The following NAA25 variants were observed in gnomAD, a reference collection of about 807,000 sequenced individuals.
NAA25 encodes N-alpha-acetyltransferase 25, NatB auxiliary subunit, also known as N-terminal acetyltransferase B complex subunit NAA25.
NAA25 carries 30 observed loss-of-function variants against 132.5 expected under a neutral mutation model. The observed-to-expected ratio is 0.23, with a 90% CI of 0.17 to 0.31. The LOEUF is 0.31. NAA25 is among the 10% of genes least tolerant of loss of function. The probability of loss-of-function intolerance (pLI) is 1.00; values close to 1 mark genes in which losing one functional copy is unlikely to be tolerated. For missense variants in NAA25, 771 were observed against 1,150.4 expected (o/e 0.67, Z 4.77); for synonymous variants, 359 against 401.9 (o/e 0.89, Z 1.28).
chr12:112,075,505 A>C (rs1205664838), intron 8 of NAA25, among the ~76,000 whole-genome samples, 173 bp downstream of exon 8: 1 of 152,090 alleles, frequency 6.6e-6, no homozygotes, highest in Admixed American at 6.6e-5. Context: ...TACCATTATA[A>C]TACTCTACTG....
At chr12:112,059,647 C>A (rs574504433) in intron 13 of NAA25, among the ~76,000 whole-genome samples, 3 of 152,188 alleles carry the variant, frequency 2.0e-5, no homozygotes, top group Admixed American at 6.5e-5. Context: ...TTCCATAGGC[C>A]TGTGCATGTA....
intron 5 of NAA25, 29 bp downstream of exon 5, chr12:112,081,031 C>T: frequency 1.3e-6 from 2 of 1,568,818 alleles, no homozygotes; most frequent in South Asian, 1.1e-5. Flanking sequence ...AAAACCAAAC[C>T]TCAATCCCAT....
intron 17 of NAA25, among the ~76,000 whole-genome samples, chr12:112,047,184 T>TGTAAA (rs2078396489): frequency 2.0e-5 from 3 of 152,010 alleles, no homozygotes; most frequent in Admixed American, 2.0e-4. Flanking sequence ...TTTATATTTG[T>TGTAAA]GTAAAGTGAA....
At position 112,060,151 on chromosome 12, in the gene NAA25, G is replaced by A. The variant is rs2078605189; in HGVS notation, c.1447+119C>T. Reference sequence around the variant, plus strand: ...AAGCACCCTAGAAATATCAAGAAAAGCAGAACCTAAAAGCATAAATAAAAT... The same window carrying A: ...AAGCACCCTAGAAATATCAAGAAAAACAGAACCTAAAAGCATAAATAAAAT... On this transcript the variant is annotated intron_variant, in intron 13 of 23. Transcript: ENST00000261745. 5.6e-6 allele frequency: 4 copies of A among 714,382 alleles called. No individual in the cohort carries two copies. In the Admixed American group the frequency reaches 1.1e-4, roughly 20 times the overall value. The allele number at this position is 714,382 out of a possible 1,614,324, so 44.3% of individuals were successfully genotyped here.
chr12:112,033,518 A>G, intron 22 of NAA25, 139 bp from the exon 23 acceptor site: 1 of 624,624 alleles, frequency 1.6e-6, no homozygotes, highest in African/African-American at 1.9e-5. Flanking sequence ...GAATGGTACT[A>G]AAATAACCAG....
intron 11 of NAA25, among the ~76,000 whole-genome samples, chr12:112,062,400 CAA>C (rs750872314): frequency 3.0e-4 from 25 of 84,334 alleles, no homozygotes; most frequent in Non-Finnish European, 2.7e-4. Context: ...GACTCCATCT[CAA>C]AAAAAAAAAA....
chr12:112,096,462 A>AC (rs1345779642), intron 1 of NAA25, among the ~76,000 whole-genome samples: 1 of 152,244 alleles, frequency 6.6e-6, no homozygotes, highest in Non-Finnish European at 1.5e-5. Flanking sequence ...ACTAAAACTT[A>AC]GTCTCATGAA....
chr12:112,064,154 A>G (rs2078678512), intron 11 of NAA25: 1 of 152,224 alleles, frequency 6.6e-6, no homozygotes, highest in Admixed American at 6.5e-5. Context: ...AATTCTATTA[A>G]TTTTAATCAT....
intron 11 of NAA25, among the ~76,000 whole-genome samples, chr12:112,063,376 G>A (rs909279030): frequency 6.6e-6 from 1 of 152,204 alleles, no homozygotes; most frequent in Non-Finnish European, 1.5e-5. Context: ...ATTTCTAAGT[G>A]TGAGTAGAAC....
chr12:112,102,859 C>T (rs1211710582), intron 1 of NAA25, among the ~76,000 whole-genome samples: 1 of 151,478 alleles, frequency 6.6e-6, no homozygotes, highest in Non-Finnish European at 1.5e-5. Flanking sequence ...GCTAATTTTT[C>T]GTATATTTTT....
intron 13 of NAA25, among the ~76,000 whole-genome samples, chr12:112,055,496 A>C (rs1464427512): frequency 2.0e-5 from 3 of 152,118 alleles, no homozygotes; most frequent in Admixed American, 6.5e-5. Context: ...CAAGTTTGAG[A>C]CCAGCCTGAA....
rs571403420 is a variant in NAA25 at position 112,105,033 on chromosome 12, T to C, written c.58+3683A>G. On this transcript the variant is annotated intron_variant, in intron 1 of 23. Transcript: ENST00000261745. ...CTCCTTCTTAAAAAAATAATAATAA[T>C]AATGGGCAGGGCGCAGTGGCTCACG... 1.4e-4 allele frequency among the ~76,000 whole-genome samples: 20 copies of C among 144,318 alleles called. No individual in the cohort carries two copies. In the South Asian group the frequency reaches 4.5e-3, roughly 33 times the overall value. 94.7% of individuals were successfully genotyped at this position (144,318 alleles called of 152,430 possible).
chr12:112,091,054 G>A (rs1189739840), intron 2 of NAA25, among the ~76,000 whole-genome samples, 190 bp from the exon 3 acceptor site: 1 of 152,030 alleles, frequency 6.6e-6, no homozygotes, highest in East Asian at 1.9e-4. Flanking sequence ...CATCACTTGA[G>A]CCCAGGAGTT....
intron 11 of NAA25, among the ~76,000 whole-genome samples, chr12:112,062,017 C>T (rs904553260): frequency 3.3e-5 from 5 of 152,016 alleles, no homozygotes; most frequent in Admixed American, 2.6e-4. Flanking sequence ...AAATAAAACC[C>T]ACATACCAGT....
intron 18 of NAA25, 116 bp from the exon 19 acceptor site, chr12:112,043,327 T>A: frequency 9.3e-7 from 1 of 1,076,396 alleles, no homozygotes; most frequent in Non-Finnish European, 1.3e-6. Context: ...TAAAAGCCAC[T>A]AATCAGCAAA....
chr12:112,053,497 G>T, intron 15 of NAA25, 61 bp downstream of exon 15: 1 of 1,193,942 alleles, frequency 8.4e-7, no homozygotes, highest in Non-Finnish European at 1.2e-6. Flanking sequence ...GTGGTGACGT[G>T]CTCCTCAATA....
chr12:112,068,263 T>C (rs554651987), intron 11 of NAA25, among the ~76,000 whole-genome samples: 1 of 152,058 alleles, frequency 6.6e-6, no homozygotes, highest in African/African-American at 2.4e-5. Flanking sequence ...TAGCTGCCCA[T>C]AGATAGAGAT....
intron 1 of NAA25, among the ~76,000 whole-genome samples, chr12:112,095,459 T>G (rs1593834868): frequency 6.7e-6 from 1 of 149,242 alleles, no homozygotes; most frequent in Admixed American, 6.7e-5. Context: ...ATTAAAAAAA[T>G]TTGTCAGGTA....
At chr12:112,073,410 T>G (rs765811036) in intron 9 of NAA25, among the ~76,000 whole-genome samples, 14 of 152,154 alleles carry the variant, frequency 9.2e-5, no homozygotes, top group Non-Finnish European at 2.1e-4. Flanking sequence ...TGAATTTTAC[T>G]TCTGTATTAA....
Sources: allele counts gnomAD v4.1 joint callset (sites outside exome capture counted in the v4.1 genomes callset), GRCh38; gene constraint gnomAD v4.1.1; transcripts MANE v1.5; gene names NCBI Gene and HGNC (gene_info 2026-07-23, HGNC 2026-07-21).